The following RIMS1 variants were observed in gnomAD, a reference collection of about 807,000 sequenced individuals.
RIMS1 encodes the protein regulating synaptic membrane exocytosis 1, also known as regulating synaptic membrane exocytosis protein 1.
A neutral mutation model predicts 214.1 loss-of-function variants in RIMS1; 83 were observed. That is an observed-to-expected ratio of 0.39 (90% CI 0.32 to 0.47). RIMS1 has a LOEUF of 0.47. Among genes scored for constraint, RIMS1 ranks in the 20% least tolerant of loss-of-function variants. The pLI is 0.99. For missense variants in RIMS1, 2,050 were observed against 2,161.8 expected, an observed-to-expected ratio of 0.95 and a Z score of 1.03; for synonymous variants, 793 against 786.8, an observed-to-expected ratio of 1.01 and a Z score of -0.13.
At chr6:72,263,037 C>A in intron 19 of RIMS1, 1 of 879,660 alleles carries the variant, frequency 1.1e-6, no homozygotes, top group Non-Finnish European at 1.4e-6. Flanking sequence ...AGTAAGGATT[C>A]AAAATCAGAT....
At chr6:72,348,626 A>G (rs2097346869) in intron 29 of RIMS1, among the ~76,000 whole-genome samples, 1 of 151,900 alleles carries the variant, frequency 6.6e-6, no homozygotes, top group Non-Finnish European at 1.5e-5. Flanking sequence ...GGTTTGTTAC[A>G]TGGATAAATT....
At chr6:72,375,754 G>C (rs1172427554) in intron 29 of RIMS1, among the ~76,000 whole-genome samples, 1 of 151,828 alleles carries the variant, frequency 6.6e-6, no homozygotes. Flanking sequence ...ATTGGATTTG[G>C]ATTGCTTTGT....
At chr6:72,003,161 G>A (rs569955247) in intron 2 of RIMS1, among the ~76,000 whole-genome samples, 1 of 152,266 alleles carries the variant, frequency 6.6e-6, no homozygotes, top group Admixed American at 6.5e-5. Flanking sequence ...ACTGTGATAG[G>A]TTGGGTATAG....
chr6:72,215,489 T>C (rs1445457944), intron 6 of RIMS1, among the ~76,000 whole-genome samples: 1 of 152,242 alleles, frequency 6.6e-6, no homozygotes, highest in Non-Finnish European at 1.5e-5. Flanking sequence ...CTGCTACTTA[T>C]AAATCATGGA....
Position 71,887,552 on chromosome 6 carries a change from G to C in RIMS1, c.164+365G>C, listed in dbSNP as rs1002701019. 3.9e-5 allele frequency among the ~76,000 whole-genome samples: 6 copies of C among 152,300 alleles called. No homozygotes were observed. The South Asian group carries it at 1.2e-3, about 32-fold the overall frequency. ...TGGGCTGGGAGCAGGTTAGGGGGCA[G>C]GGGATGAGTAGAAACAAGGGGAGGC... is the stretch of plus-strand genomic sequence containing the variant. On this transcript the variant is annotated intron_variant, in intron 1 of 33. Transcript: ENST00000521978.
chr6:72,370,106 C>A (rs1232874095), intron 29 of RIMS1, among the ~76,000 whole-genome samples: 1 of 152,212 alleles, frequency 6.6e-6, no homozygotes, highest in Non-Finnish European at 1.5e-5. Context: ...GTTTGCTACA[C>A]TTTCTCCCTG....
intron 6 of RIMS1, among the ~76,000 whole-genome samples, chr6:72,186,855 G>A (rs2049187400): frequency 6.6e-6 from 1 of 152,002 alleles, no homozygotes; most frequent in Non-Finnish European, 1.5e-5. Context: ...TTCTGGCCGG[G>A]CGCAGTGGCT....
intron 1 of RIMS1, among the ~76,000 whole-genome samples, chr6:71,933,969 A>T (rs978321059): frequency 5.3e-5 from 8 of 152,292 alleles, no homozygotes; most frequent in Non-Finnish European, 1.0e-4. Flanking sequence ...GGACTAAGGG[A>T]AATCCATAAC....
intron 4 of RIMS1, among the ~76,000 whole-genome samples, chr6:72,145,693 G>A (rs2042654523): frequency 6.6e-6 from 1 of 152,182 alleles, no homozygotes; most frequent in Non-Finnish European, 1.5e-5. Flanking sequence ...GACAAGTTAA[G>A]AGGCCAGTGT....
chr6:72,170,494 C>G (rs2046880786), intron 4 of RIMS1, among the ~76,000 whole-genome samples: 1 of 152,110 alleles, frequency 6.6e-6, no homozygotes, highest in South Asian at 2.1e-4. Flanking sequence ...CAGGTGCCCA[C>G]CACCACGCCT....
intron 2 of RIMS1, among the ~76,000 whole-genome samples, chr6:72,019,369 A>G (rs1175804049): frequency 1.3e-5 from 2 of 152,214 alleles, no homozygotes; most frequent in South Asian, 2.1e-4. Flanking sequence ...TACTGTGTTC[A>G]CTTGCCAGTG....
chr6:72,271,285 AAAT>A (rs1305366806), intron 22 of RIMS1, among the ~76,000 whole-genome samples: 3 of 22,908 alleles, frequency 1.3e-4, no homozygotes, highest in African/African-American at 6.6e-4. Flanking sequence ...AAAAAAAAAA[AAAT>A]ATATATATAT....
chr6:72,214,613 T>C (rs1435874488), intron 6 of RIMS1, among the ~76,000 whole-genome samples: 1 of 151,984 alleles, frequency 6.6e-6, no homozygotes, highest in Non-Finnish European at 1.5e-5. Context: ...AATAGAGAAA[T>C]AAATATTTTT....
At position 72,250,471 on chromosome 6, in the gene RIMS1, AT is replaced by A. The variant is rs756067633; in HGVS notation, c.2372+15del. The A allele has an allele frequency of 5.2e-6, 8 of 1,528,244 alleles. 1 individual carries two copies. In the South Asian group the frequency reaches 9.9e-5, roughly 19 times the overall value. 94.7% of individuals were successfully genotyped at this position (1,528,244 alleles called of 1,614,324 possible). On this transcript the variant is annotated intron_variant, in intron 13 of 33. Coordinates refer to ENST00000521978, the MANE Select transcript of RIMS1 (RefSeq NM_014989.7). ...TCTTCCAGATAGAAGGTAGTGAATA[AT>A]TTTAGAAAAAAAAAATCTTAAAATC...
At chr6:71,989,155 A>G (rs1386604961) in intron 2 of RIMS1, among the ~76,000 whole-genome samples, 2 of 152,234 alleles carry the variant, frequency 1.3e-5, no homozygotes, top group Non-Finnish European at 2.9e-5. Flanking sequence ...GGAGGAGATC[A>G]TTCTACTAGA....
intron 29 of RIMS1, among the ~76,000 whole-genome samples, chr6:72,345,720 A>T (rs1173287684): frequency 1.3e-5 from 2 of 151,764 alleles, no homozygotes; most frequent in African/African-American, 4.8e-5. Context: ...CCATCACGGG[A>T]TGCTTGTACT....
chr6:72,394,508 T>C (rs1170515657), intron 31 of RIMS1, among the ~76,000 whole-genome samples: 1 of 151,872 alleles, frequency 6.6e-6, no homozygotes. Context: ...AATAATAATA[T>C]CTAAAACTGC....
chr6:72,308,503 G>A (rs950326609), intron 27 of RIMS1, among the ~76,000 whole-genome samples: 8 of 152,006 alleles, frequency 5.3e-5, no homozygotes, highest in Admixed American at 5.2e-4. Context: ...CTTGAAATAT[G>A]GACCTAGAAA....
In RIMS1 at chr6:72,233,800, C is replaced by G. The variant is rs769160870; in HGVS notation, c.1706C>G (p.Pro569Arg). ...GATTTGGATTATTACTGGTTGGATCCTGCCACGTGGCACAGCCGGGAGACA... is the reference window on the plus strand; with the variant it reads ...GATTTGGATTATTACTGGTTGGATCGTGCCACGTGGCACAGCCGGGAGACA... ...KGDLDYYWLD[P>R]ATWHSRETSP... The change falls in exon 7 of 34, where the codon CCT (proline) becomes CGT (arginine). Residue 569 changes from proline (P) to arginine (R), a missense_variant. Transcript: ENST00000521978. 2 of 1,580,526 alleles carry G rather than the reference C, an allele frequency of 1.3e-6. No individual in the cohort carries two copies. The highest frequency in any genetic ancestry group is 1.7e-6 in the Non-Finnish European group (2 of 1,161,130).
Sources: gnomAD v4.1 joint callset for allele counts (sites outside exome capture counted in the v4.1 genomes callset) on GRCh38, gnomAD v4.1.1 for gene constraint, MANE v1.5 for transcripts, NCBI Gene and HGNC (gene_info 2026-07-23, HGNC 2026-07-21) for gene names.